Variants in SLC44A5 observed in about 807,000 individuals in gnomAD.
SLC44A5 encodes solute carrier family 44 member 5.
SLC44A5 carries 57 observed loss-of-function variants against 101.8 expected under a neutral mutation model. The observed-to-expected ratio is 0.56, with a 90% confidence interval of 0.45 to 0.70. SLC44A5 has a LOEUF of 0.70. Ranked by LOEUF, SLC44A5 falls within the 30% of genes least tolerant of loss-of-function variation. The pLI is 0.00. For missense variants in SLC44A5, 737 were observed against 853.1 expected (o/e 0.86, Z 1.70); for synonymous variants, 281 against 290.9 (o/e 0.97, Z 0.35).
the SLC44A5 span, among the ~76,000 whole-genome samples, chr1:75,659,797 G>A: frequency 6.6e-6 from 1 of 151,804 alleles, no homozygotes; most frequent in East Asian, 1.9e-4. Flanking sequence ...CAATAATTCC[G>A]ATGAACATAG....
intron 1 of SLC44A5, among the ~76,000 whole-genome samples, chr1:75,565,140 G>A (rs1302655220): frequency 3.3e-5 from 5 of 152,090 alleles, no homozygotes; most frequent in African/African-American, 4.8e-5. Context: ...CATTAATGAG[G>A]TTGCCTGCCC....
chr1:75,326,937 A>G (rs1221576125), intron 4 of SLC44A5, among the ~76,000 whole-genome samples: 2 of 152,170 alleles, frequency 1.3e-5, no homozygotes, highest in African/African-American at 4.8e-5. Flanking sequence ...AAACTATAAA[A>G]TGCTAATACA....
In SLC44A5 at chr1:75,420,124, T is replaced by A. The variant is rs78912024; in HGVS notation, c.14-23503A>T. ...TCCCTTCTACCCTATGAAAACACAG[T>A]GAGAAGACCTATCTATAAACGAGGA... On this transcript the variant is annotated intron_variant, in intron 2 of 23. Transcript: ENST00000370859. Among the ~76,000 whole-genome samples the A allele has an allele frequency of 4.3e-3, 655 of 152,078 alleles. 6 individuals carry two copies. The highest frequency in any genetic ancestry group is 0.015 in the African/African-American group (635 of 41,516).
chr1:75,472,699 G>A (rs1667176664), intron 2 of SLC44A5, among the ~76,000 whole-genome samples: 1 of 152,066 alleles, frequency 6.6e-6, no homozygotes, highest in Non-Finnish European at 1.5e-5. Context: ...TTCCCTCACT[G>A]AAAGGTTAGT....
intron 3 of SLC44A5, among the ~76,000 whole-genome samples, chr1:75,352,417 A>G (rs1006189513): frequency 6.7e-6 from 1 of 150,360 alleles, no homozygotes; most frequent in Non-Finnish European, 1.5e-5. Flanking sequence ...ATGTGTTCTC[A>G]TTGGAGAACT....
intron 1 of SLC44A5, among the ~76,000 whole-genome samples, chr1:75,593,512 T>C (rs1265426723): frequency 6.6e-6 from 1 of 152,114 alleles, no homozygotes; most frequent in Non-Finnish European, 1.5e-5. Flanking sequence ...AGGAAATCAG[T>C]ATATCAAAGA....
At chr1:75,359,075 T>A (rs1393467790) in intron 3 of SLC44A5, among the ~76,000 whole-genome samples, 4 of 152,044 alleles carry the variant, frequency 2.6e-5, no homozygotes, top group Admixed American at 2.6e-4. Flanking sequence ...CCCATGTAAG[T>A]GAGATCTTGC....
At chr1:75,686,722 T>C in the SLC44A5 span, among the ~76,000 whole-genome samples, 1 of 152,144 alleles carries the variant, frequency 6.6e-6, no homozygotes, top group African/African-American at 2.4e-5. Context: ...AATCAGGAAA[T>C]TGGAAGCTAT....
chr1:75,395,884 G>T (rs1032923550), intron 3 of SLC44A5, among the ~76,000 whole-genome samples: 1 of 152,198 alleles, frequency 6.6e-6, no homozygotes. Flanking sequence ...GAAGATTGGG[G>T]ATCCAAGTAA....
chr1:75,374,568 C>T (rs1039369655), intron 3 of SLC44A5, among the ~76,000 whole-genome samples: 1 of 152,178 alleles, frequency 6.6e-6, no homozygotes, highest in African/African-American at 2.4e-5. Flanking sequence ...CCCCCATTCC[C>T]CTCCCCAGGG....
At chr1:75,496,248 A>G (rs1010330841) in intron 2 of SLC44A5, among the ~76,000 whole-genome samples, 1 of 152,188 alleles carries the variant, frequency 6.6e-6, no homozygotes, top group African/African-American at 2.4e-5. Context: ...ACTAGTATAA[A>G]ATCAGACACA....
chr1:75,486,346 G>GT (rs1210275677), intron 2 of SLC44A5, among the ~76,000 whole-genome samples: 1 of 152,134 alleles, frequency 6.6e-6, no homozygotes, highest in Admixed American at 6.6e-5. Flanking sequence ...GTCTGTGTGT[G>GT]TAGAGGGAGT....
At chr1:75,585,238 A>G (rs1301611905) in intron 1 of SLC44A5, among the ~76,000 whole-genome samples, 1 of 152,214 alleles carries the variant, frequency 6.6e-6, no homozygotes, top group African/African-American at 2.4e-5. Flanking sequence ...CTCTTTAAAA[A>G]CACACTTTTT....
chr1:75,709,450 TACTC>T, the SLC44A5 span, among the ~76,000 whole-genome samples: 2 of 152,222 alleles, frequency 1.3e-5, no homozygotes, highest in African/African-American at 2.4e-5. Context: ...TGGTTCAAAA[TACTC>T]ACATCGCCAA....
intron 4 of SLC44A5, among the ~76,000 whole-genome samples, chr1:75,328,216 C>T (rs1050087806): frequency 9.2e-5 from 14 of 152,142 alleles, no homozygotes; most frequent in African/African-American, 3.4e-4. Context: ...AAAGAATGTA[C>T]ACTTAAATAT....
chr1:75,383,671 G>A (rs1570074900), intron 3 of SLC44A5, among the ~76,000 whole-genome samples: 1 of 152,134 alleles, frequency 6.6e-6, no homozygotes, highest in African/African-American at 2.4e-5. Context: ...ATCTAGCAAG[G>A]CAGGCCAACA....
the SLC44A5 span, among the ~76,000 whole-genome samples, chr1:75,694,843 G>A: frequency 6.6e-6 from 1 of 152,122 alleles, no homozygotes; most frequent in African/African-American, 2.4e-5. Context: ...ATCATTCTAA[G>A]TCGTTCAAAA....
chr1:75,573,780 A>G (rs1259833077), intron 1 of SLC44A5, among the ~76,000 whole-genome samples: 7 of 151,116 alleles, frequency 4.6e-5, no homozygotes, highest in Non-Finnish European at 1.0e-4. Flanking sequence ...TTAATATGGT[A>G]TACAACTCAA....
chr1:75,355,784 T>C (rs936313937), intron 3 of SLC44A5, among the ~76,000 whole-genome samples: 2 of 152,158 alleles, frequency 1.3e-5, no homozygotes, highest in African/African-American at 4.8e-5. Context: ...GTATCACACA[T>C]ACAATTATTT....
Sources: allele counts gnomAD v4.1 joint callset (sites outside exome capture counted in the v4.1 genomes callset), GRCh38; gene constraint gnomAD v4.1.1; transcripts MANE v1.5; gene names NCBI Gene and HGNC (gene_info 2026-07-23, HGNC 2026-07-21).